Variants in GSTCD observed in about 807,000 individuals in gnomAD.
GSTCD encodes the protein glutathione S-transferase C-terminal domain containing, also known as glutathione S-transferase C-terminal domain-containing protein.
GSTCD carries 44 observed loss-of-function variants against 68.3 expected under a neutral mutation model. The observed-to-expected ratio is 0.64, with a 90% CI of 0.51 to 0.83. The LOEUF (loss-of-function observed/expected upper bound fraction) is 0.83, where lower values mean the gene tolerates loss of function less well. Ranked by LOEUF, GSTCD falls within the 40% of genes least tolerant of loss-of-function variation. GSTCD has a pLI of 0.00. For missense variants in GSTCD, 739 were observed against 735.9 expected (o/e 1.00, Z -0.05); for synonymous variants, 273 against 255.2 (o/e 1.07, Z -0.67).
At chr4:105,712,306 C>T (rs527891342) in intron 1 of GSTCD, among the ~76,000 whole-genome samples, 5 of 152,276 alleles carry the variant, frequency 3.3e-5, no homozygotes, top group Admixed American at 1.3e-4. Context: ...AATGAGGGAG[C>T]AAGCCCTGTG....
chr4:105,824,568 A>G (rs1228465900), intron 7 of GSTCD, among the ~76,000 whole-genome samples: 1 of 152,220 alleles, frequency 6.6e-6, no homozygotes, highest in Non-Finnish European at 1.5e-5. Flanking sequence ...GATAGTGATG[A>G]AAGTGACTTA....
chr4:105,812,748 T>C lies in GSTCD; in HGVS notation c.1241-10206T>C, dbSNP rs1320905072. Among the ~76,000 whole-genome samples, 3 of 152,128 alleles carry C rather than the reference T, an allele frequency of 2.0e-5. No homozygotes were observed. In the East Asian group the frequency reaches 5.8e-4, roughly 29 times the overall value. On this transcript the variant is annotated intron_variant, in intron 5 of 11. Coordinates refer to ENST00000515279, the MANE Select transcript of GSTCD (RefSeq NM_001370181.1). Reference sequence around the variant, plus strand: ...ATGACATTTCCTTGAAAAATATACTTTAGCATGTCTCTCATGCTGATTTTA... The same window carrying C: ...ATGACATTTCCTTGAAAAATATACTCTAGCATGTCTCTCATGCTGATTTTA...
In GSTCD at chr4:105,719,049, TTG is replaced by T. The variant is rs753553615; in HGVS notation, c.427-9_427-8del. The T allele has an allele frequency of 1.3e-6, 2 of 1,555,260 alleles. No homozygotes were observed. The highest frequency in any genetic ancestry group is 2.4e-5 in the South Asian group (2 of 84,486). On this transcript the variant is annotated splice_polypyrimidine_tract_variant and intron_variant, in intron 2 of 11. Transcript: ENST00000515279. ...AATCTTTTCATTTCTTGTTTTGTTT[TTG>T]TTTTGTAGGTTAGTCAGTGGACCAG...
intron 5 of GSTCD, among the ~76,000 whole-genome samples, chr4:105,755,685 G>T (rs1233069794): frequency 6.6e-6 from 1 of 152,134 alleles, no homozygotes; most frequent in African/African-American, 2.4e-5. Context: ...CATGTCACAT[G>T]GTGTATCACA....
intron 3 of GSTCD, among the ~76,000 whole-genome samples, chr4:105,722,751 T>C (rs752185011): frequency 5.3e-5 from 8 of 151,954 alleles, no homozygotes; most frequent in Non-Finnish European, 1.0e-4. Context: ...TTTTTAAACC[T>C]TTGTTTTAAA....
At chr4:105,800,244 A>C (rs1736056257) in intron 5 of GSTCD, among the ~76,000 whole-genome samples, 1 of 152,172 alleles carries the variant, frequency 6.6e-6, no homozygotes, top group South Asian at 2.1e-4. Context: ...AGGCAAGAAG[A>C]GAGCTTGTGC....
chr4:105,831,565 TTTG>T (rs1723898456), intron 8 of GSTCD, among the ~76,000 whole-genome samples: 1 of 152,246 alleles, frequency 6.6e-6, no homozygotes, highest in African/African-American at 2.4e-5. Context: ...TTGACCAATT[TTTG>T]TTTAAGAACT....
chr4:105,816,020 GA>G (rs1722966875), intron 5 of GSTCD, among the ~76,000 whole-genome samples: 2 of 151,684 alleles, frequency 1.3e-5, no homozygotes, highest in Non-Finnish European at 2.9e-5. Flanking sequence ...TCATCTTAGA[GA>G]AAAAAATAGC....
chr4:105,845,408 G>A (rs772776195), intron 11 of GSTCD, 33 bp from the exon 12 acceptor site: 29 of 1,612,854 alleles, frequency 1.8e-5, no homozygotes, highest in Non-Finnish European at 2.5e-5. Flanking sequence ...CTAGTGAAAG[G>A]GTGTCTCATG....
chr4:105,710,977 G>A (rs570901722), intron 1 of GSTCD: 2 of 152,026 alleles, frequency 1.3e-5, no homozygotes, highest in South Asian at 4.2e-4. Flanking sequence ...CCCATATTAC[G>A]TATTTAATGA....
intron 5 of GSTCD, among the ~76,000 whole-genome samples, chr4:105,818,472 G>A (rs1310889867): frequency 6.6e-6 from 1 of 151,800 alleles, no homozygotes; most frequent in Non-Finnish European, 1.5e-5. Flanking sequence ...AGAGAGGCTG[G>A]AACAATGGGC....
At position 105,845,594 on chromosome 4, in the gene GSTCD, T is replaced by C; in HGVS notation, c.*17T>C. On this transcript the variant is annotated 3_prime_UTR_variant, in exon 12 of 12. Coordinates refer to ENST00000515279, the MANE Select transcript of GSTCD (RefSeq NM_001370181.1). ...CCCATTTAAAATGAGATATTCACAT[T>C]TGATATTTTGCCATCCGTCTTCACG... 1 of 1,613,518 alleles carries C rather than the reference T, an allele frequency of 6.2e-7. No individual in the cohort carries two copies. Among genetic ancestry groups the C allele is most frequent in the Non-Finnish European group, 8.5e-7 (1 of 1,179,804 alleles).
intron 8 of GSTCD, among the ~76,000 whole-genome samples, chr4:105,829,538 G>A (rs893362361): frequency 6.6e-6 from 1 of 152,146 alleles, no homozygotes; most frequent in Non-Finnish European, 1.5e-5. Flanking sequence ...ATCTTACATG[G>A]TGGCAGGCAA....
intron 11 of GSTCD, among the ~76,000 whole-genome samples, chr4:105,845,078 T>C (rs993318238): frequency 7.2e-5 from 11 of 152,220 alleles, no homozygotes; most frequent in Non-Finnish European, 1.2e-4. Context: ...AAATTTTTTT[T>C]CCACATTACA....
In GSTCD at chr4:105,719,519, C is replaced by A; in HGVS notation, c.886C>A (p.His296Asn). 1 of 1,611,828 alleles carries A rather than the reference C, an allele frequency of 6.2e-7. No homozygotes were observed. Among genetic ancestry groups the A allele is most frequent in the East Asian group, 2.2e-5 (1 of 44,864 alleles). ...TATTGTGCTCTTGCCCTGTATCCAT[C>A]ATTTCTTGGTAAGGTTTCATCTGGA... ...ADIVLLPCIH[H>N]FLVIISRKFS... is the part of the protein sequence containing the mutation. The change falls in exon 3 of 12, where the codon CAT becomes AAT. Residue 296 changes from histidine (H) to asparagine (N), a missense_variant. Transcript: ENST00000515279.
At chr4:105,742,696 T>C (rs1238424501) in intron 5 of GSTCD, among the ~76,000 whole-genome samples, 1 of 143,326 alleles carries the variant, frequency 7.0e-6, no homozygotes, top group Non-Finnish European at 1.5e-5. Context: ...CTTTTTTTGT[T>C]GTTGTTTTTA....
At position 105,778,273 on chromosome 4, in the gene GSTCD, C is replaced by G. The variant is rs189567097; in HGVS notation, c.1241-44681C>G. Reference sequence around the variant, plus strand: ...TAAATATTAGCCTGTGTTTTAACACCCCATATATAGACTACATGTTAAATA... The same window carrying G: ...TAAATATTAGCCTGTGTTTTAACACGCCATATATAGACTACATGTTAAATA... On this transcript the variant is annotated intron_variant, in intron 5 of 11. Transcript: ENST00000515279. 3.1e-3 allele frequency among the ~76,000 whole-genome samples: 473 copies of G among 152,020 alleles called. 6 individuals carry two copies. The highest frequency in any genetic ancestry group is 1.3e-3 in the Non-Finnish European group (87 of 67,936).
chr4:105,845,589 C>T lies in GSTCD; in HGVS notation c.*12C>T. On this transcript the variant is annotated 3_prime_UTR_variant, in exon 12 of 12. Coordinates refer to ENST00000515279, the MANE Select transcript of GSTCD (RefSeq NM_001370181.1). ...GAGTCCCCATTTAAAATGAGATATTCACATTTGATATTTTGCCATCCGTCT... is the reference window on the plus strand; with the variant it reads ...GAGTCCCCATTTAAAATGAGATATTTACATTTGATATTTTGCCATCCGTCT... The T allele has an allele frequency of 1.2e-6, 2 of 1,613,680 alleles. No individual in the cohort carries two copies.
chr4:105,761,561 C>T (rs1005965159), intron 5 of GSTCD: 1 of 152,122 alleles, frequency 6.6e-6, no homozygotes, highest in Non-Finnish European at 1.5e-5. Context: ...CTTGATTCTG[C>T]ACACCTTTAT....
Sources: allele counts gnomAD v4.1 joint callset (sites outside exome capture counted in the v4.1 genomes callset), GRCh38; gene constraint gnomAD v4.1.1; transcripts MANE v1.5; gene names NCBI Gene and HGNC (gene_info 2026-07-23, HGNC 2026-07-21).